FOXP1: variants seen among roughly 807,000 people sequenced by gnomAD.
FOXP1 encodes forkhead box P1.
Under a neutral mutation model 98.2 loss-of-function variants are expected in FOXP1, and 15 were observed. The observed-to-expected ratio is 0.15, with a 90% CI of 0.10 to 0.24. The LOEUF (loss-of-function observed/expected upper bound fraction) is 0.24. Among genes scored for constraint, FOXP1 ranks in the 10% least tolerant of loss-of-function variants. The pLI, the probability that FOXP1 is intolerant of heterozygous loss-of-function variation, is 1.00. For missense variants in FOXP1, 633 were observed against 848.5 expected, an observed-to-expected ratio of 0.75 and a Z score of 3.15; for synonymous variants, 371 against 314.5, an observed-to-expected ratio of 1.18 and a Z score of -1.90.
At chr3:71,078,457 A>G (rs905444387) in intron 7 of FOXP1, among the ~76,000 whole-genome samples, 1 of 152,214 alleles carries the variant, frequency 6.6e-6, no homozygotes, top group African/African-American at 2.4e-5. Context: ...CATGATTCAG[A>G]GATTACACAA....
intron 2 of FOXP1, among the ~76,000 whole-genome samples, chr3:71,558,454 GAAGA>G (rs2046297481): frequency 6.6e-6 from 1 of 152,076 alleles, no homozygotes; most frequent in African/African-American, 2.4e-5. Context: ...GATGAGGAAG[GAAGA>G]TTCTCGTTCT....
intron 3 of FOXP1, among the ~76,000 whole-genome samples, chr3:71,367,671 G>A (rs1577159328): frequency 6.6e-6 from 1 of 152,228 alleles, no homozygotes; most frequent in East Asian, 1.9e-4. Context: ...AACACTCTGT[G>A]TTTTCCTCCA....
intron 7 of FOXP1, among the ~76,000 whole-genome samples, chr3:71,084,670 C>T (rs921025968): frequency 1.3e-5 from 2 of 152,154 alleles, no homozygotes; most frequent in African/African-American, 2.4e-5. Context: ...CATGAATAAC[C>T]TGCCCTTGCA....
At chr3:71,308,700 A>G (rs755520086) in intron 4 of FOXP1, among the ~76,000 whole-genome samples, 13 of 151,796 alleles carry the variant, frequency 8.6e-5, no homozygotes, top group Non-Finnish European at 1.8e-4. Context: ...AAAAAAATAA[A>G]CTGGAACTGT....
intron 3 of FOXP1, among the ~76,000 whole-genome samples, chr3:71,450,787 T>C (rs1231073491): frequency 8.2e-6 from 1 of 122,082 alleles, no homozygotes; most frequent in African/African-American, 2.9e-5. Context: ...GGAATATTCT[T>C]TTTTTTTTTG....
chr3:71,213,687 G>C (rs547759662), intron 5 of FOXP1, among the ~76,000 whole-genome samples: 4 of 152,184 alleles, frequency 2.6e-5, no homozygotes, highest in Admixed American at 6.5e-5. Context: ...GTGCTGGTGG[G>C]TGCCTGTAGT....
chr3:71,417,568 T>TA (rs1321184705), intron 3 of FOXP1, among the ~76,000 whole-genome samples: 1 of 151,500 alleles, frequency 6.6e-6, no homozygotes, highest in Non-Finnish European at 1.5e-5. Flanking sequence ...TCTTGTGATT[T>TA]TTTTTTCACA....
Position 71,197,961 on chromosome 3 carries a change from T to G in FOXP1, c.180+241A>C. 1 of 1,614,236 alleles carries G rather than the reference T, an allele frequency of 6.2e-7. No individual in the cohort carries two copies. Among genetic ancestry groups the G allele is most frequent in the Admixed American group, 1.7e-5 (1 of 60,032 alleles). On this transcript the variant is annotated intron_variant, in intron 6 of 20. Coordinates refer to ENST00000649528, the MANE Select transcript of FOXP1 (RefSeq NM_001349338.3). ...GTCCACTCATCTTCGTCTCAGCAAC[T>G]GCTCCCCACAAGGGGACCTGCAGGA...
At position 71,532,046 on chromosome 3, in the gene FOXP1, C is replaced by T. The variant is rs137984239; in HGVS notation, c.-297-38491G>A. 3.9e-3 allele frequency among the ~76,000 whole-genome samples: 593 copies of T among 152,296 alleles called. 3 individuals are homozygous for T. The highest frequency in any genetic ancestry group is 0.013 in the African/African-American group (541 of 41,556). ...GGCTTCCATTGACTTAATAGGCAGT[C>T]TTCTTTTTTATCTCTCTTGCAAAAG... On this transcript the variant is annotated intron_variant, in intron 2 of 20. Coordinates refer to ENST00000649528, the MANE Select transcript of FOXP1 (RefSeq NM_001349338.3).
Position 71,193,455 on chromosome 3 carries a change from G to GT in FOXP1, c.180+4746dup, listed in dbSNP as rs1217174327. 1.8e-3 allele frequency among the ~76,000 whole-genome samples: 140 copies of GT among 79,296 alleles called. 9 individuals carry two copies. Among genetic ancestry groups the GT allele is most frequent in the South Asian group, 4.1e-3 (11 of 2,682 alleles). The allele number at this position is 79,296 out of a possible 152,430, so 52.0% of individuals were successfully genotyped here. A position where few individuals can be genotyped will look rare whatever the true frequency, so the allele number is the denominator to read the frequency against. ...GAGCCACTGCGCCCAGCCGTTATTT[G>GT]TTTTTTTTTTTTAGACATATTCTCA... On this transcript the variant is annotated intron_variant, in intron 6 of 20. Transcript: ENST00000649528.
intron 5 of FOXP1, chr3:71,292,725 T>C (rs2072889783): frequency 6.6e-6 from 1 of 152,182 alleles, no homozygotes; most frequent in Non-Finnish European, 1.5e-5. Context: ...TATGCCAATA[T>C]ACAAAATTCA....
intron 6 of FOXP1, among the ~76,000 whole-genome samples, chr3:71,183,616 T>G (rs1171097064): frequency 1.3e-5 from 2 of 152,232 alleles, no homozygotes; most frequent in Non-Finnish European, 2.9e-5. Flanking sequence ...CTAAAATTAT[T>G]TCCGTTTGAT....
intron 12 of FOXP1, among the ~76,000 whole-genome samples, chr3:71,005,338 A>C (rs933625565): frequency 1.3e-5 from 2 of 150,278 alleles, no homozygotes; most frequent in African/African-American, 4.9e-5. Flanking sequence ...AAAAAAAAAA[A>C]AAACCAGAAT....
At chr3:71,198,084 A>C (rs747854453) in intron 6 of FOXP1, 118 bp downstream of exon 6, 2 of 1,614,118 alleles carry the variant, frequency 1.2e-6, no homozygotes, top group South Asian at 2.2e-5. Context: ...AGACAGAAAG[A>C]CAGATGGACA....
intron 3 of FOXP1, among the ~76,000 whole-genome samples, chr3:71,370,135 T>C (rs1389575391): frequency 1.3e-5 from 2 of 152,098 alleles, no homozygotes; most frequent in African/African-American, 2.4e-5. Context: ...CAAGCACAAA[T>C]ACCAGGCCTG....
chr3:71,426,717 C>G (rs896198711), intron 3 of FOXP1, among the ~76,000 whole-genome samples: 1 of 152,170 alleles, frequency 6.6e-6, no homozygotes, highest in African/African-American at 2.4e-5. Context: ...TTAAAAATTA[C>G]CTTCTTGGGA....
At chr3:71,486,394 T>C (rs2090651344) in intron 3 of FOXP1, among the ~76,000 whole-genome samples, 1 of 152,194 alleles carries the variant, frequency 6.6e-6, no homozygotes, top group South Asian at 2.1e-4. Context: ...TTCCAATCCA[T>C]TGGATGGTGC....
chr3:71,351,494 A>C (rs527299528), intron 4 of FOXP1, among the ~76,000 whole-genome samples: 3 of 152,236 alleles, frequency 2.0e-5, no homozygotes, highest in Non-Finnish European at 2.9e-5. Context: ...CTTCAAGCCT[A>C]ATATTTTACT....
chr3:71,113,712 C>T (rs1575772794), intron 6 of FOXP1, among the ~76,000 whole-genome samples: 1 of 102,378 alleles, frequency 9.8e-6, no homozygotes, highest in Non-Finnish European at 2.0e-5. Context: ...GCTTCCATCT[C>T]AAAATAAAAT....
Sources: allele counts gnomAD v4.1 joint callset (sites outside exome capture counted in the v4.1 genomes callset), GRCh38; gene constraint gnomAD v4.1.1; transcripts MANE v1.5; gene names NCBI Gene and HGNC (gene_info 2026-07-23, HGNC 2026-07-21).